Variants in WDR45B observed in about 807,000 individuals in gnomAD.
The protein encoded by WDR45B is WD repeat domain phosphoinositide-interacting protein 3.
Under a neutral mutation model 44.6 loss-of-function variants are expected in WDR45B, and 20 were observed. The ratio of observed to expected loss-of-function variants is 0.45; its 90% CI spans 0.32 to 0.65. The LOEUF (loss-of-function observed/expected upper bound fraction) is 0.65, where lower values mean the gene tolerates loss of function less well. WDR45B is among the 30% of genes least tolerant of loss of function. The pLI is 0.05. For synonymous variants in WDR45B, 169 were observed against 164.9 expected, an observed-to-expected ratio of 1.02 and a Z score of -0.19; for missense variants, 323 against 430.2, an observed-to-expected ratio of 0.75 and a Z score of 2.20.
chr17:82,648,414 G>A lies in WDR45B; in HGVS notation c.-74C>T, dbSNP rs569005222. Reference sequence around the variant, plus strand: ...TGGGGACGGCGGCCTGGTCCCTTCGGGCCGGCGCTGAGGCCGCCGCGGCCG... The same window carrying A: ...TGGGGACGGCGGCCTGGTCCCTTCGAGCCGGCGCTGAGGCCGCCGCGGCCG... On this transcript the variant is annotated 5_prime_UTR_variant, in exon 1 of 10. Coordinates refer to ENST00000392325, the MANE Select transcript of WDR45B (RefSeq NM_019613.4). 1.1e-5 allele frequency: 17 copies of A among 1,552,270 alleles called. No individual in the cohort carries two copies. Among genetic ancestry groups the A allele is most frequent in the Non-Finnish European group, 1.2e-5 (14 of 1,149,062 alleles).
chr17:82,620,918 G>C (rs2045606618), intron 6 of WDR45B, among the ~76,000 whole-genome samples: 1 of 152,166 alleles, frequency 6.6e-6, no homozygotes, highest in Non-Finnish European at 1.5e-5. Flanking sequence ...GGTAAAAAAG[G>C]GTTTTGAGCT....
At chr17:82,646,625 A>G (rs1315238232) in intron 1 of WDR45B, among the ~76,000 whole-genome samples, 1 of 152,154 alleles carries the variant, frequency 6.6e-6, no homozygotes, top group Non-Finnish European at 1.5e-5. Flanking sequence ...ATTGGAATCA[A>G]GCGTGGCCAG....
chr17:82,645,298 A>C, intron 1 of WDR45B, among the ~76,000 whole-genome samples: 1 of 136,102 alleles, frequency 7.3e-6, no homozygotes, highest in African/African-American at 3.2e-5. Flanking sequence ...ACTCCGTCTC[A>C]AAAAAAAAAA....
intron 5 of WDR45B, among the ~76,000 whole-genome samples, chr17:82,623,663 A>G (rs1435300892): frequency 6.6e-6 from 1 of 150,936 alleles, no homozygotes; most frequent in Non-Finnish European, 1.5e-5. Context: ...ATGCCACTGC[A>G]CTCCAGCTTG....
At chr17:82,641,740 CA>C (rs996187909) in intron 2 of WDR45B, among the ~76,000 whole-genome samples, 4 of 151,678 alleles carry the variant, frequency 2.6e-5, no homozygotes, top group South Asian at 2.1e-4. Context: ...ACCAAACATA[CA>C]AAAAAAATTA....
At chr17:82,625,177 G>A (rs1053720121) in intron 5 of WDR45B, among the ~76,000 whole-genome samples, 4 of 152,120 alleles carry the variant, frequency 2.6e-5, no homozygotes, top group Admixed American at 1.3e-4. Context: ...GAGGGGACAG[G>A]GGCCCCCACT....
At position 82,616,587 on chromosome 17, in the gene WDR45B, A is replaced by G. The variant is rs2045538603; in HGVS notation, c.865T>C (p.Phe289Leu). Residue 289 changes from phenylalanine to leucine, a missense_variant, in exon 9 of 10, where the codon TTT becomes CTT. By Grantham distance (22) the Phe-to-Leu change is conservative. Coordinates refer to ENST00000392325, the MANE Select transcript of WDR45B (RefSeq NM_019613.4). ...YFSSKWSFSKFQVPSGSPCIC... is the reference protein window; with the variant it reads ...YFSSKWSFSKLQVPSGSPCIC... ...CACGGAGAGCCTGAGGGAACCTGAA[A>G]CTTGGAGAAACTCCACTTGGAACTG... 1 of 1,614,074 alleles carries G rather than the reference A, an allele frequency of 6.2e-7. No individual in the cohort carries two copies. Among genetic ancestry groups the G allele is most frequent in the Admixed American group, 1.7e-5 (1 of 60,006 alleles).
chr17:82,640,624 G>C (rs1288704075), intron 2 of WDR45B, among the ~76,000 whole-genome samples: 1 of 152,016 alleles, frequency 6.6e-6, no homozygotes, highest in Non-Finnish European at 1.5e-5. Flanking sequence ...GCTGGGATTA[G>C]AGGCCTGGCC....
chr17:82,621,404 G>T (rs1190642172), intron 6 of WDR45B, among the ~76,000 whole-genome samples: 4 of 152,186 alleles, frequency 2.6e-5, no homozygotes, highest in African/African-American at 9.7e-5. Flanking sequence ...TAAATAATTA[G>T]AAATAAAACC....
At chr17:82,629,146 TATA>T (rs1045994576) in intron 3 of WDR45B, among the ~76,000 whole-genome samples, 2 of 152,268 alleles carry the variant, frequency 1.3e-5, no homozygotes, top group African/African-American at 2.4e-5. Flanking sequence ...TTAGAAACTT[TATA>T]ATGAGAATGA....
At chr17:82,647,726 C>A (rs1278764879) in intron 1 of WDR45B, among the ~76,000 whole-genome samples, 2 of 150,962 alleles carry the variant, frequency 1.3e-5, no homozygotes, top group African/African-American at 4.9e-5. Context: ...CCGCGCCACT[C>A]GCCACCAGAG....
intron 2 of WDR45B, among the ~76,000 whole-genome samples, chr17:82,634,587 C>A (rs547820156): frequency 2.6e-5 from 4 of 151,948 alleles, no homozygotes; most frequent in Non-Finnish European, 5.9e-5. Context: ...GGAAGAGATA[C>A]CCGCACACCC....
intron 8 of WDR45B, 149 bp from the exon 9 acceptor site, chr17:82,616,794 G>A: frequency 9.7e-7 from 1 of 1,030,914 alleles, no homozygotes; most frequent in Middle Eastern, 2.1e-4. Context: ...GCATGACAAA[G>A]CCTGTTGTAC....
Position 82,616,663 on chromosome 17 carries a change from G to GA in WDR45B, c.807-19dup. ...AGGCCAAACTGTGAAGACAAGAAAA[G>GA]AAAGGGTGGTTCAAAGTTTACAGGA... On this transcript the variant is annotated intron_variant, in intron 8 of 9. Coordinates refer to ENST00000392325, the MANE Select transcript of WDR45B (RefSeq NM_019613.4). 6.2e-7 allele frequency: 1 copy of GA among 1,614,084 alleles called. No homozygotes were observed. The highest frequency in any genetic ancestry group is 8.5e-7 in the Non-Finnish European group (1 of 1,179,970).
chr17:82,647,386 G>C (rs1045958904), intron 1 of WDR45B, among the ~76,000 whole-genome samples: 27 of 152,188 alleles, frequency 1.8e-4, no homozygotes, highest in African/African-American at 6.3e-4. Context: ...GGACCTTTGG[G>C]AAGCGCGCCC....
At chr17:82,643,019 C>A (rs2045935975) in intron 2 of WDR45B, among the ~76,000 whole-genome samples, 1 of 152,244 alleles carries the variant, frequency 6.6e-6, no homozygotes, top group African/African-American at 2.4e-5. Flanking sequence ...GTGTATGTGG[C>A]ATCATACACT....
At chr17:82,623,954 C>A (rs930154033) in intron 5 of WDR45B, among the ~76,000 whole-genome samples, 1 of 152,014 alleles carries the variant, frequency 6.6e-6, no homozygotes, top group African/African-American at 2.4e-5. Flanking sequence ...ACTCATAAAT[C>A]ATGGATGAGA....
rs1365351733 is a variant in WDR45B, at chr17:82,619,092, G to T, written c.655C>A (p.His219Asn). 6.2e-7 allele frequency: 1 copy of T among 1,614,186 alleles called. No homozygotes were observed. The highest frequency in any genetic ancestry group is 8.5e-7 in the Non-Finnish European group (1 of 1,180,038). ...LIRIFDTSSGHLIQELRRGSQ... is the reference protein window; with the variant it reads ...LIRIFDTSSGNLIQELRRGSQ... ...CCTCTTCGCAGTTCCTGGATTAAAT[G>T]CCCTGATGAAGTATCAAATATTCTT... The change falls in exon 7 of 10, where the codon CAT becomes AAT. Residue 219 changes from histidine (H) to asparagine (N), a missense_variant. By Grantham distance (68) the His-to-Asn change is moderately conservative. Coordinates refer to ENST00000392325, the MANE Select transcript of WDR45B (RefSeq NM_019613.4).
At chr17:82,640,393 C>T (rs1353260525) in intron 2 of WDR45B, among the ~76,000 whole-genome samples, 1 of 150,650 alleles carries the variant, frequency 6.6e-6, no homozygotes, top group South Asian at 2.1e-4. Flanking sequence ...ACTCTGCCAT[C>T]AGGCTGCAGT....
Sources: allele counts gnomAD v4.1 joint callset (sites outside exome capture counted in the v4.1 genomes callset), GRCh38; gene constraint gnomAD v4.1.1; transcripts MANE v1.5; gene names NCBI Gene and HGNC (gene_info 2026-07-23, HGNC 2026-07-21).